The following MECOM variants were observed in gnomAD, a reference collection of about 807,000 sequenced individuals.
MECOM encodes the protein histone-lysine N-methyltransferase MECOM.
In MECOM, 13 loss-of-function variants were observed where a neutral mutation model predicts 116.3. That is an observed-to-expected ratio of 0.11 (90% CI 0.07 to 0.18). MECOM has a LOEUF of 0.18. Ranked by LOEUF, MECOM falls within the 10% of genes least tolerant of loss-of-function variation. The pLI is 1.00. For missense variants in MECOM, 1,299 were observed against 1,509.0 expected, an observed-to-expected ratio of 0.86 and a Z score of 2.31; for synonymous variants, 528 against 535.2, an observed-to-expected ratio of 0.99 and a Z score of 0.19.
chr3:169,455,756 T>C (rs1746367384), intron 1 of MECOM, among the ~76,000 whole-genome samples: 1 of 152,072 alleles, frequency 6.6e-6, no homozygotes, highest in South Asian at 2.1e-4. Flanking sequence ...CTTCCACCAG[T>C]CTTATATATG....
chr3:169,147,333 G>T (rs1187805592), intron 2 of MECOM: 11 of 985,362 alleles, frequency 1.1e-5, no homozygotes, highest in Non-Finnish European at 1.2e-5. Context: ...TCACGGGATC[G>T]TCCCCTTTCG....
At chr3:169,536,867 C>T (rs1759432507) in intron 1 of MECOM, among the ~76,000 whole-genome samples, 1 of 152,138 alleles carries the variant, frequency 6.6e-6, no homozygotes, top group Non-Finnish European at 1.5e-5. Flanking sequence ...ATTTTTCTAA[C>T]ATTATTTTTC....
chr3:169,619,505 T>C (rs1424745679), intron 1 of MECOM, among the ~76,000 whole-genome samples: 2 of 152,146 alleles, frequency 1.3e-5, no homozygotes, highest in Non-Finnish European at 2.9e-5. Flanking sequence ...CACTGTCTCT[T>C]TCCTCCCTTC....
intron 2 of MECOM, among the ~76,000 whole-genome samples, chr3:169,259,833 T>C (rs1205754001): frequency 6.6e-6 from 1 of 152,250 alleles, no homozygotes; most frequent in Non-Finnish European, 1.5e-5. Flanking sequence ...CAGGGTGATA[T>C]GTTGATGTTG....
chr3:169,195,677 A>G (rs1748322353), intron 2 of MECOM, among the ~76,000 whole-genome samples: 1 of 151,996 alleles, frequency 6.6e-6, no homozygotes, highest in South Asian at 2.1e-4. Flanking sequence ...CTTTTCTCTG[A>G]TATACCTTAA....
chr3:169,116,701 G>C lies in MECOM; in HGVS notation c.1171C>G (p.Leu391Val). Reference protein sequence around the residue: ...CHKSYTQFSNLCRHKRMHADC... With the variant: ...CHKSYTQFSNVCRHKRMHADC... The stretch of plus-strand genomic sequence containing the variant: ...GCATGCATGCGCTTATGACGGCAAA[G>C]GTTTGAAAACTGAGTATAGGATTTA... Residue 391 changes from leucine (L) to valine (V), a missense_variant, in exon 8 of 17, where the codon CTT becomes GTT. By Grantham distance (32) the Leu-to-Val change is conservative (BLOSUM62 1). Transcript: ENST00000651503. 1 of 1,613,486 alleles carries C rather than the reference G, an allele frequency of 6.2e-7. No individual in the cohort carries two copies. The highest frequency in any genetic ancestry group is 8.5e-7 in the Non-Finnish European group (1 of 1,179,782).
intron 2 of MECOM, among the ~76,000 whole-genome samples, chr3:169,194,991 T>G (rs1748228419): frequency 6.6e-6 from 1 of 152,054 alleles, no homozygotes; most frequent in Non-Finnish European, 1.5e-5. Flanking sequence ...GTGTCCCATC[T>G]CAGCCACATA....
chr3:169,506,466 C>CT lies in MECOM; in HGVS notation c.38-124943dup, dbSNP rs59006044. On this transcript the variant is annotated intron_variant, in intron 1 of 16. Transcript: ENST00000651503. ...AATTGGCCTGTCTGAGGTGAGTACT[C>CT]TTTTTTTTTTAAAGAAAGCGCTTTA... Among the ~76,000 whole-genome samples, 257 of 147,764 alleles carry CT rather than the reference C, an allele frequency of 1.7e-3. 6 individuals are homozygous for CT. The East Asian group carries it at 0.038, about 22-fold the overall frequency.
chr3:169,605,433 T>A (rs945508772), intron 1 of MECOM, among the ~76,000 whole-genome samples: 1 of 152,244 alleles, frequency 6.6e-6, no homozygotes, highest in Non-Finnish European at 1.5e-5. Flanking sequence ...TAATAGACAT[T>A]AACTCTGGAA....
At chr3:169,524,211 T>C (rs1757714859) in intron 1 of MECOM, among the ~76,000 whole-genome samples, 2 of 152,072 alleles carry the variant, frequency 1.3e-5, no homozygotes, top group African/African-American at 4.8e-5. Context: ...GAAACTAAAC[T>C]TTTTAATGTG....
At chr3:169,584,541 G>A (rs1210279674) in intron 1 of MECOM, among the ~76,000 whole-genome samples, 9 of 148,302 alleles carry the variant, frequency 6.1e-5, no homozygotes, top group Non-Finnish European at 1.3e-4. Flanking sequence ...CTCCAGCCTG[G>A]GCGAAAGAGC....
intron 2 of MECOM, among the ~76,000 whole-genome samples, chr3:169,235,270 C>T (rs1002561095): frequency 3.3e-5 from 5 of 152,060 alleles, no homozygotes; most frequent in African/African-American, 9.7e-5. Flanking sequence ...TGTTGAATTC[C>T]TCTTTTTAGA....
intron 6 of MECOM, among the ~76,000 whole-genome samples, chr3:169,121,694 T>G (rs16853196): frequency 0.063 from 9,586 of 152,230 alleles, 446 homozygotes; most frequent in South Asian, 0.2. Context: ...CTAAAACCAT[T>G]CCTTTAGACA....
intron 2 of MECOM, among the ~76,000 whole-genome samples, chr3:169,198,173 T>C (rs539136966): frequency 6.6e-6 from 1 of 152,190 alleles, no homozygotes; most frequent in Non-Finnish European, 1.5e-5. Flanking sequence ...AAAGATGATG[T>C]TGAGTTAGTG....
At chr3:169,335,531 G>A (rs1021782805) in intron 2 of MECOM, among the ~76,000 whole-genome samples, 5 of 152,032 alleles carry the variant, frequency 3.3e-5, no homozygotes, top group African/African-American at 1.2e-4. Context: ...TTTGTTCCAG[G>A]GAAAGCAGAG....
At chr3:169,134,109 T>C (rs878863356) in intron 3 of MECOM, 1 of 352,734 alleles carries the variant, frequency 2.8e-6, no homozygotes, top group African/African-American at 2.1e-5. Context: ...CGTCAGGTCA[T>C]TTTAAGAGAG....
At chr3:169,290,926 A>AATTTTTGTTCTGCT (rs1714431205) in intron 2 of MECOM, among the ~76,000 whole-genome samples, 1 of 152,172 alleles carries the variant, frequency 6.6e-6, no homozygotes, top group Non-Finnish European at 1.5e-5. Context: ...AGAATGTAGC[A>AATTTTTGTTCTGCT]GAACAAACAA....
chr3:169,103,497 G>A (rs1368539197), intron 10 of MECOM, among the ~76,000 whole-genome samples: 1 of 152,130 alleles, frequency 6.6e-6, no homozygotes. Flanking sequence ...ATTTTAAAAG[G>A]TGTTTGCATT....
intron 1 of MECOM, among the ~76,000 whole-genome samples, chr3:169,549,316 G>C (rs1421309610): frequency 6.6e-6 from 1 of 151,600 alleles, no homozygotes; most frequent in Non-Finnish European, 1.5e-5. Flanking sequence ...TAAAAGAAAG[G>C]ATTCAGGAGT....
Sources: gnomAD v4.1 joint callset for allele counts (sites outside exome capture counted in the v4.1 genomes callset) on GRCh38, gnomAD v4.1.1 for gene constraint, MANE v1.5 for transcripts, NCBI Gene and HGNC (gene_info 2026-07-23, HGNC 2026-07-21) for gene names.